FGF13: variants seen among roughly 807,000 people sequenced by gnomAD.
The protein encoded by FGF13 is fibroblast growth factor 13, also known as fibroblast growth factor homologous factor 2.
Under a neutral mutation model 19.5 loss-of-function variants are expected in FGF13, and 2 were observed. The observed-to-expected ratio is 0.10, with a 90% CI of 0.04 to 0.32. The LOEUF is 0.32. Ranked by LOEUF, FGF13 falls within the 10% of genes least tolerant of loss-of-function variation. The pLI, the probability that FGF13 is intolerant of heterozygous loss-of-function variation, is 1.00. For synonymous variants in FGF13, 72 were observed against 76.9 expected, an observed-to-expected ratio of 0.94 and a Z score of 0.33; for missense variants, 113 against 192.7, an observed-to-expected ratio of 0.59 and a Z score of 2.45.
At chrX:138,678,230 G>A (rs1464768645) in intron 3 of FGF13, among the ~76,000 whole-genome samples, 1 of 110,406 alleles carries the variant, frequency 9.1e-6, no homozygotes, top group Non-Finnish European at 1.9e-5. Flanking sequence ...GGTGGGGAGA[G>A]TGGGGAGGGA....
At chrX:139,029,139 C>T (rs1156536858) in intron 1 of FGF13, among the ~76,000 whole-genome samples, 2 of 111,461 alleles carry the variant, frequency 1.8e-5, no homozygotes, top group Non-Finnish European at 3.8e-5. Context: ...TATCATGGTA[C>T]TGAAGGAGTG....
At chrX:138,841,444 T>A (rs1342255841) in intron 3 of FGF13, among the ~76,000 whole-genome samples, 1 of 111,169 alleles carries the variant, frequency 9.0e-6, no homozygotes, top group Non-Finnish European at 1.9e-5. Flanking sequence ...TAATAACAAA[T>A]TGAGTCTTAT....
chrX:139,057,225 G>A (rs758364661), intron 1 of FGF13, among the ~76,000 whole-genome samples: 1 of 110,974 alleles, frequency 9.0e-6, no homozygotes, highest in South Asian at 3.8e-4. Flanking sequence ...TTAAATCCCT[G>A]GATAGGAAAT....
intron 1 of FGF13, among the ~76,000 whole-genome samples, chrX:138,934,922 A>AT (rs1368612859): frequency 9.0e-6 from 1 of 110,568 alleles, no homozygotes; most frequent in African/African-American, 3.3e-5. Context: ...GAAAAAAAAA[A>AT]AATACTATGC....
intron 1 of FGF13, among the ~76,000 whole-genome samples, chrX:139,053,430 G>C (rs1192917233): frequency 2.2e-5 from 2 of 92,766 alleles, no homozygotes; most frequent in Non-Finnish European, 4.3e-5. Flanking sequence ...TTTTTTTTTT[G>C]GTTTTTATGG....
chrX:139,140,508 A>G (rs976935116), intron 1 of FGF13, among the ~76,000 whole-genome samples: 4 of 111,573 alleles, frequency 3.6e-5, no homozygotes, highest in Non-Finnish European at 5.6e-5. Flanking sequence ...CTACTGCAAC[A>G]GGCTGCTCCC....
chrX:138,705,944 A>T (rs2089988048), intron 2 of FGF13, among the ~76,000 whole-genome samples: 1 of 112,454 alleles, frequency 8.9e-6, no homozygotes, highest in Non-Finnish European at 1.9e-5. Context: ...CTTTTAAAAC[A>T]TAAATGTGCC....
chrX:139,152,569 T>C (rs2083943443), intron 1 of FGF13, among the ~76,000 whole-genome samples: 1 of 110,828 alleles, frequency 9.0e-6, no homozygotes, highest in South Asian at 3.9e-4. Context: ...AAGCCTTATT[T>C]GTTTAGAATA....
At chrX:138,863,902 G>A (rs2091302721) in intron 2 of FGF13, among the ~76,000 whole-genome samples, 1 of 111,820 alleles carries the variant, frequency 8.9e-6, no homozygotes, top group Non-Finnish European at 1.9e-5. Context: ...AAAATAAGGG[G>A]TTTAGACTAG....
intron 3 of FGF13, among the ~76,000 whole-genome samples, chrX:138,847,435 T>C (rs1305418597): frequency 9.0e-6 from 1 of 111,598 alleles, no homozygotes; most frequent in Non-Finnish European, 1.9e-5. Flanking sequence ...AAGCTGGACA[T>C]GCTTCTGAGA....
intron 1 of FGF13, among the ~76,000 whole-genome samples, chrX:138,998,440 T>C (rs1197389199): frequency 9.1e-6 from 1 of 109,382 alleles, no homozygotes; most frequent in Non-Finnish European, 1.9e-5. Flanking sequence ...TAGACTCATC[T>C]CACGTGCAAA....
chrX:138,737,673 T>G (rs1356766070), intron 1 of FGF13, among the ~76,000 whole-genome samples: 2 of 112,073 alleles, frequency 1.8e-5, no homozygotes, highest in Middle Eastern at 4.6e-3. Flanking sequence ...AAATAATTGT[T>G]TGGTGAGAAT....
rs2088989712 is a variant in FGF13, at chrX:138,618,695, G to A, written c.*14155C>T. ...ACCCTGACAGCGAGTGTGAACTTGTGTGCATGCAGAAGCAGGCAGCTTGAC... is the reference window on the plus strand; with the variant it reads ...ACCCTGACAGCGAGTGTGAACTTGTATGCATGCAGAAGCAGGCAGCTTGAC... On this transcript the variant is annotated 3_prime_UTR_variant, in exon 5 of 5. Coordinates refer to ENST00000315930, the MANE Select transcript of FGF13 (RefSeq NM_004114.5). 1 of 111,608 alleles carries A rather than the reference G, an allele frequency of 9.0e-6. No homozygotes were observed. Among genetic ancestry groups the A allele is most frequent in the Non-Finnish European group, 1.9e-5 (1 of 53,207 alleles). The allele number at this position is 111,608 out of a possible 1,213,427, so 9.2% of individuals were successfully genotyped here. A position where few individuals can be genotyped will look rare whatever the true frequency, so the allele number is the denominator to read the frequency against.
At chrX:138,633,010 T>A (rs750351702) in intron 4 of FGF13, 24 bp from the exon 5 acceptor site, 6 of 1,194,500 alleles carry the variant, frequency 5.0e-6, no homozygotes, top group Non-Finnish European at 6.8e-6. Flanking sequence ...AAAGATGGTG[T>A]AAAAGGCCTT....
At chrX:139,081,723 CCT>C (rs754997120) in intron 1 of FGF13, among the ~76,000 whole-genome samples, 44 of 74,677 alleles carry the variant, frequency 5.9e-4, no homozygotes, top group Non-Finnish European at 5.6e-4. Context: ...ATTCTTAATT[CCT>C]CTCTCTCTCT....
chrX:139,025,622 A>G (rs2092197977), intron 1 of FGF13, among the ~76,000 whole-genome samples: 1 of 110,977 alleles, frequency 9.0e-6, no homozygotes, highest in Admixed American at 9.6e-5. Context: ...CTTTTCTTTC[A>G]GACTCCAGTA....
At chrX:138,993,181 A>G (rs1603105962) in intron 1 of FGF13, among the ~76,000 whole-genome samples, 1 of 112,222 alleles carries the variant, frequency 8.9e-6, no homozygotes, top group South Asian at 3.7e-4. Context: ...ACTAAGGAGA[A>G]TGGCAACTAA....
chrX:138,903,872 A>G (rs757206627), intron 1 of FGF13, among the ~76,000 whole-genome samples: 4 of 111,904 alleles, frequency 3.6e-5, no homozygotes, highest in African/African-American at 1.3e-4. Flanking sequence ...AATTCTGGGC[A>G]CCTCAAGTCT....
At chrX:138,750,814 T>C (rs1052743114) in intron 3 of FGF13, among the ~76,000 whole-genome samples, 5 of 110,697 alleles carry the variant, frequency 4.5e-5, no homozygotes, top group African/African-American at 1.6e-4. Context: ...TTTACAGTCA[T>C]GGCGGGGGTG....
Sources: gnomAD v4.1 joint callset for allele counts (sites outside exome capture counted in the v4.1 genomes callset) on GRCh38, gnomAD v4.1.1 for gene constraint, MANE v1.5 for transcripts, NCBI Gene and HGNC (gene_info 2026-07-23, HGNC 2026-07-21) for gene names.